The following NEDD9 variants were observed in gnomAD, a reference collection of about 807,000 sequenced individuals.
NEDD9 encodes neural precursor cell expressed, developmentally down-regulated 9.
In NEDD9, 26 loss-of-function variants were observed where a neutral mutation model predicts 76.6. The observed-to-expected ratio is 0.34, with a 90% CI of 0.25 to 0.47. The LOEUF (loss-of-function observed/expected upper bound fraction) is 0.47. NEDD9 is among the 20% of genes least tolerant of loss of function. NEDD9 has a pLI of 1.00. For synonymous variants in NEDD9, 392 were observed against 414.2 expected, an observed-to-expected ratio of 0.95 and a Z score of 0.65; for missense variants, 937 against 1,058.5, an observed-to-expected ratio of 0.89 and a Z score of 1.59.
At chr6:11,232,355 G>GC (rs3215815) in intron 1 of NEDD9, 149 bp downstream of exon 1, 155,106 of 918,560 alleles carry the variant, frequency 0.17, 14,061 homozygotes, top group East Asian at 0.25. Context: ...TTGCTTGTCT[G>GC]CTTGCATGTC....
At chr6:11,344,825 C>G (rs1416371355) in intron 1 of NEDD9, among the ~76,000 whole-genome samples, 1 of 152,188 alleles carries the variant, frequency 6.6e-6, no homozygotes, top group Admixed American at 6.5e-5. Context: ...GTTTTCCCAT[C>G]TCTCTTTCTT....
At chr6:11,224,993 A>G (rs1759262730) in intron 1 of NEDD9, among the ~76,000 whole-genome samples, 3 of 152,222 alleles carry the variant, frequency 2.0e-5, no homozygotes, top group African/African-American at 7.2e-5. Flanking sequence ...CTAAATGCAC[A>G]ATGCCTTAAG....
intron 3 of NEDD9, among the ~76,000 whole-genome samples, chr6:11,264,343 A>G (rs912916998): frequency 1.3e-5 from 2 of 152,188 alleles, no homozygotes; most frequent in Non-Finnish European, 2.9e-5. Flanking sequence ...GTGAGGAACC[A>G]CATGCCCCAG....
At chr6:11,382,120 C>G (rs1015002972) in intron 1 of NEDD9, 1 of 152,282 alleles carries the variant, frequency 6.6e-6, no homozygotes, top group African/African-American at 2.4e-5. Flanking sequence ...CAGGCCACAG[C>G]AAGTGGCTGA....
chr6:11,263,616 C>A (rs1032265953), intron 3 of NEDD9, among the ~76,000 whole-genome samples: 1 of 152,276 alleles, frequency 6.6e-6, no homozygotes, highest in Non-Finnish European at 1.5e-5. Context: ...CTGTTATTTT[C>A]GCCTTCCCAA....
chr6:11,216,350 C>T (rs1758953397), intron 1 of NEDD9, among the ~76,000 whole-genome samples: 1 of 152,228 alleles, frequency 6.6e-6, no homozygotes, highest in Admixed American at 6.5e-5. Flanking sequence ...CATCCAGCCA[C>T]TCTCCTAAAC....
At chr6:11,355,022 C>G (rs931399981) in intron 1 of NEDD9, among the ~76,000 whole-genome samples, 2 of 152,218 alleles carry the variant, frequency 1.3e-5, no homozygotes, top group Non-Finnish European at 2.9e-5. Context: ...ATACTCCATC[C>G]TTTTGTTTTC....
At chr6:11,278,577 G>A (rs1760466876) in intron 3 of NEDD9, among the ~76,000 whole-genome samples, 1 of 152,132 alleles carries the variant, frequency 6.6e-6, no homozygotes, top group South Asian at 2.1e-4. Flanking sequence ...CATGCCAAAG[G>A]TTTATACACT....
At chr6:11,274,622 C>T (rs1157907737) in intron 3 of NEDD9, among the ~76,000 whole-genome samples, 1 of 152,156 alleles carries the variant, frequency 6.6e-6, no homozygotes, top group African/African-American at 2.4e-5. Flanking sequence ...ACTCACTGTA[C>T]CAAGCTGAAT....
rs540645814 is a variant in NEDD9 at position 11,381,035 on chromosome 6, C to T, written c.-214+1104G>A. Among the ~76,000 whole-genome samples, 10 of 152,306 alleles carry T rather than the reference C, an allele frequency of 6.6e-5. No individual in the cohort carries two copies. The South Asian group carries it at 8.3e-4, about 13-fold the overall frequency. On this transcript the variant is annotated intron_variant, in intron 1 of 3. Transcript: ENST00000397378. ...CTAAATAGCTGTTAAATAAACTAAC[C>T]GATTAACAAGAAATGGTGGAGCGCT... is the stretch of plus-strand genomic sequence containing the variant.
chr6:11,381,036 G>A (rs531829788), intron 1 of NEDD9, among the ~76,000 whole-genome samples: 11 of 152,140 alleles, frequency 7.2e-5, no homozygotes, highest in Non-Finnish European at 1.5e-4. Context: ...TAAACTAACC[G>A]ATTAACAAGA....
intron 2 of NEDD9, among the ~76,000 whole-genome samples, chr6:11,210,751 G>T (rs1758760920): frequency 7.1e-6 from 1 of 141,468 alleles, no homozygotes; most frequent in Non-Finnish European, 1.5e-5. Flanking sequence ...GAGAGGGAAG[G>T]AGGGAGGGAT....
intron 3 of NEDD9, chr6:11,258,405 T>C (rs1341323297): frequency 6.6e-6 from 1 of 152,248 alleles, no homozygotes; most frequent in East Asian, 1.9e-4. Flanking sequence ...AAGGTTCACT[T>C]AATGCTGTAA....
intron 2 of NEDD9, among the ~76,000 whole-genome samples, chr6:11,332,844 T>C (rs1417801797): frequency 6.6e-6 from 1 of 152,180 alleles, no homozygotes; most frequent in Non-Finnish European, 1.5e-5. Context: ...GAACTGTGAA[T>C]GATGGGGAGC....
At chr6:11,185,988 C>T (rs13214661) in intron 6 of NEDD9, among the ~76,000 whole-genome samples, 14,231 of 152,188 alleles carry the variant, frequency 0.094, 805 homozygotes, top group Middle Eastern at 0.17. Context: ...TTAACGTTTA[C>T]AAAATGCTTA....
intron 3 of NEDD9, among the ~76,000 whole-genome samples, chr6:11,293,655 T>C (rs955660869): frequency 2.0e-5 from 3 of 152,126 alleles, no homozygotes; most frequent in African/African-American, 7.2e-5. Context: ...ATATTTAAGA[T>C]CTACTGTGGT....
At chr6:11,185,933 T>C (rs541385252) in intron 6 of NEDD9, among the ~76,000 whole-genome samples, 2 of 152,222 alleles carry the variant, frequency 1.3e-5, no homozygotes, top group Non-Finnish European at 2.9e-5. Flanking sequence ...GCATAGTGTT[T>C]AAACCGCAGC....
At chr6:11,362,934 C>G (rs1582050461) in intron 1 of NEDD9, among the ~76,000 whole-genome samples, 1 of 152,170 alleles carries the variant, frequency 6.6e-6, no homozygotes, top group Non-Finnish European at 1.5e-5. Context: ...TAAACTATTG[C>G]TCTAAGACTC....
At chr6:11,186,172 C>T (rs1185885095) in intron 6 of NEDD9, among the ~76,000 whole-genome samples, 1 of 152,036 alleles carries the variant, frequency 6.6e-6, no homozygotes, top group Non-Finnish European at 1.5e-5. Context: ...TTCATGACCC[C>T]TTTCTGTTTA....
Sources: gnomAD v4.1 joint callset for allele counts (sites outside exome capture counted in the v4.1 genomes callset) on GRCh38, gnomAD v4.1.1 for gene constraint, MANE v1.5 for transcripts, NCBI Gene and HGNC (gene_info 2026-07-23, HGNC 2026-07-21) for gene names.